The following ADCY9 variants were observed in gnomAD, a reference collection of about 807,000 sequenced individuals.
The protein encoded by ADCY9 is adenylate cyclase type 9.
A neutral mutation model predicts 101.5 loss-of-function variants in ADCY9; 50 were observed. The ratio of observed to expected loss-of-function variants is 0.49; its 90% CI spans 0.39 to 0.62. ADCY9 has a LOEUF of 0.62. ADCY9 is among the 20% of genes least tolerant of loss of function. The pLI, the probability that ADCY9 is intolerant of heterozygous loss-of-function variation, is 0.00. For missense variants in ADCY9, 1,662 were observed against 1,800.4 expected, an observed-to-expected ratio of 0.92 and a Z score of 1.39; for synonymous variants, 905 against 769.3, an observed-to-expected ratio of 1.18 and a Z score of -2.92.
chr16:4,066,534 A>G (rs2056802063), intron 2 of ADCY9, among the ~76,000 whole-genome samples: 1 of 151,890 alleles, frequency 6.6e-6, no homozygotes, highest in South Asian at 2.1e-4. Flanking sequence ...CCAAAGATGC[A>G]TGTCACCACA....
chr16:4,087,263 G>A (rs763238531), intron 2 of ADCY9, among the ~76,000 whole-genome samples: 1 of 151,874 alleles, frequency 6.6e-6, no homozygotes, highest in African/African-American at 2.4e-5. Flanking sequence ...GGCCGGGCAC[G>A]GTGGCTCACG....
At chr16:3,994,257 G>A (rs1486620551) in intron 3 of ADCY9, among the ~76,000 whole-genome samples, 2 of 152,232 alleles carry the variant, frequency 1.3e-5, no homozygotes, top group African/African-American at 2.4e-5. Flanking sequence ...TGAATCTTCC[G>A]GGACCTTGAT....
chr16:4,047,916 G>C (rs576225925), intron 2 of ADCY9, among the ~76,000 whole-genome samples: 1 of 152,146 alleles, frequency 6.6e-6, no homozygotes, highest in African/African-American at 2.4e-5. Context: ...CCCTTACCCA[G>C]GTAGCCACGA....
chr16:4,025,109 T>C (rs1187508838), intron 2 of ADCY9, among the ~76,000 whole-genome samples: 1 of 152,068 alleles, frequency 6.6e-6, no homozygotes, highest in South Asian at 2.1e-4. Flanking sequence ...AAGCCTGTAA[T>C]CCCAGCACTT....
rs144965803 is a variant in ADCY9, at chr16:4,018,502, C to T, written c.1694-10944G>A. 4.5e-3 allele frequency among the ~76,000 whole-genome samples: 688 copies of T among 152,260 alleles called. 5 individuals carry two copies. Among genetic ancestry groups the T allele is most frequent in the African/African-American group, 0.015 (636 of 41,546 alleles). ...TGCTGGAATTACAGGCGTGAGCCACCGCGCCCGGCTGATGCTGAACATGCG... is the reference window on the plus strand; with the variant it reads ...TGCTGGAATTACAGGCGTGAGCCACTGCGCCCGGCTGATGCTGAACATGCG... On this transcript the variant is annotated intron_variant, in intron 2 of 10. Transcript: ENST00000294016.
At chr16:3,985,124 T>C (rs2056179878) in intron 6 of ADCY9, among the ~76,000 whole-genome samples, 1 of 149,274 alleles carries the variant, frequency 6.7e-6, no homozygotes, top group Non-Finnish European at 1.5e-5. Flanking sequence ...TTTTTTTTCA[T>C]TTTTCTTTTC....
rs1297539335 is a variant in ADCY9, at chr16:4,115,770, C to T, written c.-124G>A. 6 of 405,440 alleles carry T rather than the reference C, an allele frequency of 1.5e-5. No individual in the cohort carries two copies. Among genetic ancestry groups the T allele is most frequent in the Non-Finnish European group, 2.6e-5 (6 of 230,578 alleles). 25.1% of individuals were successfully genotyped at this position (405,440 alleles called of 1,614,324 possible). ...CTCGCTCGCCTTCCGCGCCTCTCGC[C>T]CCGAGGGTGGCCTCCGCGCCGCGCG... is the stretch of plus-strand genomic sequence containing the variant. On this transcript the variant is annotated 5_prime_UTR_variant, in exon 1 of 11. Coordinates refer to ENST00000294016, the MANE Select transcript of ADCY9 (RefSeq NM_001116.4). This position sits in a 1 kb window ranked among gnomAD's most constrained non-coding sequence, Gnocchi z 6.2.
intron 2 of ADCY9, among the ~76,000 whole-genome samples, chr16:4,112,054 A>G (rs1263050235): frequency 1.3e-5 from 2 of 152,190 alleles, no homozygotes; most frequent in Admixed American, 6.6e-5. Flanking sequence ...CTGGGCCAAC[A>G]TATTTAATTT....
chr16:4,029,869 A>G (rs1241833993), intron 2 of ADCY9, among the ~76,000 whole-genome samples: 2 of 152,206 alleles, frequency 1.3e-5, no homozygotes, highest in Admixed American at 1.3e-4. Context: ...GGTGGCCAGC[A>G]GACATATGAA....
rs984261308 is a variant in ADCY9, at chr16:4,115,907, G to A, written c.-261C>T. On this transcript the variant is annotated 5_prime_UTR_variant, in exon 1 of 11. Coordinates refer to ENST00000294016, the MANE Select transcript of ADCY9 (RefSeq NM_001116.4). This position sits in a 1 kb window ranked among gnomAD's most constrained non-coding sequence, Gnocchi z 6.2. ...CTGCGCACAAACAACTCCGCTGGCGGCGCGGAGCCCTCCATCCTGCAGGAG... is the reference window on the plus strand; with the variant it reads ...CTGCGCACAAACAACTCCGCTGGCGACGCGGAGCCCTCCATCCTGCAGGAG... The A allele has an allele frequency of 2.5e-5, 10 of 392,482 alleles. No individual in the cohort carries two copies. The highest frequency in any genetic ancestry group is 1.0e-4 in the African/African-American group (5 of 48,256). 24.3% of individuals were successfully genotyped at this position (392,482 alleles called of 1,614,324 possible).
intron 6 of ADCY9, among the ~76,000 whole-genome samples, chr16:3,986,122 G>A (rs2056191082): frequency 6.6e-6 from 1 of 152,230 alleles, no homozygotes; most frequent in African/African-American, 2.4e-5. Context: ...GGCTGTCTGG[G>A]CTCAAGGCCA....
rs2057140629 is a variant in ADCY9 at position 4,115,090 on chromosome 16, T to A, written c.353A>T (p.Tyr118Phe). ...GGCGAAGCCGATGTAGAAGAGCGCA[T>A]ACCGGAACCGGCGCTGGGTCTGCGG... ...CFPQTQRRFR[Y>F]ALFYIGFACL... Residue 118 changes from tyrosine (Y) to phenylalanine (F), a missense_variant, in exon 2 of 11, where the codon TAT becomes TTT. Physicochemically the swap from Tyr to Phe is conservative, Grantham distance 22 (BLOSUM62 3). Around this residue, in one of 5 missense-constraint regions of ADCY9, gnomAD observed 422 missense variants for 392.0 expected, o/e 1.08. Coordinates refer to ENST00000294016, the MANE Select transcript of ADCY9 (RefSeq NM_001116.4). This position sits in a 1 kb window ranked among gnomAD's most constrained non-coding sequence, Gnocchi z 6.2. The A allele has an allele frequency of 6.2e-7, 1 of 1,613,930 alleles. No individual in the cohort carries two copies. The highest frequency in any genetic ancestry group is 2.2e-5 in the East Asian group (1 of 44,874).
At chr16:4,030,592 C>G (rs2056548957) in intron 2 of ADCY9, among the ~76,000 whole-genome samples, 1 of 151,940 alleles carries the variant, frequency 6.6e-6, no homozygotes, top group African/African-American at 2.4e-5. Context: ...AGTCCCAGCT[C>G]CTCAGGAAGC....
chr16:3,962,205 C>G (rs2055944312), downstream of ADCY9, among the ~76,000 whole-genome samples: 1 of 152,064 alleles, frequency 6.6e-6, no homozygotes. Flanking sequence ...TAAACAGATT[C>G]TGAAGGGGCT....
chr16:4,097,547 A>T (rs1240498290), intron 2 of ADCY9, among the ~76,000 whole-genome samples: 15 of 46,692 alleles, frequency 3.2e-4, no homozygotes, highest in Admixed American at 1.8e-3. Flanking sequence ...ATATATATAT[A>T]TATATATTTT....
At chr16:4,033,230 T>C (rs1283712332) in intron 2 of ADCY9, among the ~76,000 whole-genome samples, 1 of 152,194 alleles carries the variant, frequency 6.6e-6, no homozygotes, top group East Asian at 1.9e-4. Flanking sequence ...CCTAAATTCT[T>C]TTCTCTTGCT....
chr16:3,981,306 G>A (rs1204087709), intron 7 of ADCY9, among the ~76,000 whole-genome samples: 2 of 152,178 alleles, frequency 1.3e-5, no homozygotes, highest in Admixed American at 6.5e-5. Flanking sequence ...AAGGAGCAGG[G>A]AATAATAGCT....
chr16:3,973,959 C>T (rs1021724436), intron 10 of ADCY9, among the ~76,000 whole-genome samples: 1 of 152,000 alleles, frequency 6.6e-6, no homozygotes, highest in African/African-American at 2.4e-5. Flanking sequence ...TTTTTATTTC[C>T]GACTCTTCAA....
intron 6 of ADCY9, among the ~76,000 whole-genome samples, chr16:3,984,526 C>A (rs2056174006): frequency 6.6e-6 from 1 of 152,206 alleles, no homozygotes; most frequent in Admixed American, 6.5e-5. Flanking sequence ...GCAGGAACTA[C>A]CACCCATCTC....
Sources: gnomAD v4.1 joint callset for allele counts (sites outside exome capture counted in the v4.1 genomes callset) on GRCh38, gnomAD v4.1.1 for gene constraint, gnomAD v4.1.1 regional missense constraint, Gnocchi (gnomAD v3.1) non-coding constraint, MANE v1.5 for transcripts, NCBI Gene and HGNC (gene_info 2026-07-23, HGNC 2026-07-21) for gene names.